Variants in MBD5 observed in about 807,000 individuals in gnomAD.
The protein encoded by MBD5 is methyl-CpG binding domain protein 5, also known as methyl-CpG-binding domain protein 5.
Under a neutral mutation model 117.3 loss-of-function variants are expected in MBD5, and 13 were observed. The observed-to-expected ratio is 0.11, with a 90% confidence interval of 0.07 to 0.18. MBD5 has a LOEUF of 0.18. MBD5 is among the 10% of genes least tolerant of loss of function. The probability of loss-of-function intolerance (pLI) is 1.00; values close to 1 mark genes in which losing one functional copy is unlikely to be tolerated. For missense variants in MBD5, 1,879 were observed against 2,093.8 expected (o/e 0.90, Z 2.00); for synonymous variants, 727 against 766.4 (o/e 0.95, Z 0.85).
At chr2:148,441,520 G>C (rs1264288337) in intron 4 of MBD5, among the ~76,000 whole-genome samples, 1 of 152,150 alleles carries the variant, frequency 6.6e-6, no homozygotes, top group Non-Finnish European at 1.5e-5. Context: ...GGACATTTGG[G>C]TTTGTTCCAA....
chr2:148,267,348 A>G (rs559065161), intron 3 of MBD5, among the ~76,000 whole-genome samples: 1 of 152,322 alleles, frequency 6.6e-6, no homozygotes, highest in East Asian at 1.9e-4. Context: ...TGAGTACACT[A>G]ATCTCACAAT....
At chr2:148,341,060 A>G (rs1409923709) in intron 3 of MBD5, among the ~76,000 whole-genome samples, 1 of 152,046 alleles carries the variant, frequency 6.6e-6, no homozygotes, top group Non-Finnish European at 1.5e-5. Flanking sequence ...TTTTTCTGTG[A>G]GACCCCACTT....
chr2:148,463,953 C>A, intron 7 of MBD5, 34 bp downstream of exon 7: 1 of 1,606,370 alleles, frequency 6.2e-7, no homozygotes, highest in East Asian at 2.2e-5. Flanking sequence ...AGGAATTCTC[C>A]TCTCCCTAGA....
rs777439830 is a variant in MBD5, at chr2:148,463,783, A to G, written c.261A>G (p.Ala87=). ...DPGAAVKQRT[A]EDVKADEDVT... Reference sequence around the variant, plus strand: ...GAGCTGCTGTGAAACAGAGAACCGCAGAAGATGTTAAGGCAGATGAAGATG... The same window carrying G: ...GAGCTGCTGTGAAACAGAGAACCGCGGAAGATGTTAAGGCAGATGAAGATG... Residue 87 remains alanine (A), a synonymous_variant, in exon 7 of 14, where the codon GCA becomes GCG. Coordinates refer to ENST00000642680, the MANE Select transcript of MBD5 (RefSeq NM_001378120.1). 3 of 1,613,854 alleles carry G rather than the reference A, an allele frequency of 1.9e-6. No individual in the cohort carries two copies. The highest frequency in any genetic ancestry group is 2.5e-6 in the Non-Finnish European group (3 of 1,179,776).
At chr2:148,040,522 A>G (rs999933916) in intron 1 of MBD5, among the ~76,000 whole-genome samples, 5 of 152,172 alleles carry the variant, frequency 3.3e-5, no homozygotes, top group South Asian at 4.1e-4. Flanking sequence ...TGATGTATAT[A>G]TGGGTATTTA....
At chr2:148,494,524 G>A (rs577953632) in intron 11 of MBD5, among the ~76,000 whole-genome samples, 1 of 152,238 alleles carries the variant, frequency 6.6e-6, no homozygotes, top group Admixed American at 6.5e-5. Flanking sequence ...TGAAAAGTTG[G>A]GATGAATTGC....
At chr2:148,399,063 A>G (rs1176058008) in intron 4 of MBD5, among the ~76,000 whole-genome samples, 49 of 151,846 alleles carry the variant, frequency 3.2e-4, no homozygotes, top group African/African-American at 7.0e-4. Flanking sequence ...TAGCCTTGTA[A>G]TATAGTTTGA....
intron 11 of MBD5, 178 bp downstream of exon 11, chr2:148,490,772 G>A (rs1396892460): frequency 2.7e-6 from 2 of 742,966 alleles, no homozygotes; most frequent in Non-Finnish European, 2.2e-6. Context: ...TCAACAAAAT[G>A]TCGTATCAAC....
intron 1 of MBD5, among the ~76,000 whole-genome samples, chr2:148,134,391 T>A (rs1697125226): frequency 6.6e-6 from 1 of 152,222 alleles, no homozygotes; most frequent in South Asian, 2.1e-4. Context: ...TGGGCTTTGC[T>A]TTTTAACCCA....
rs923440581 is a variant in MBD5, at chr2:148,516,547, A to T, written c.*3606A>T. 6.6e-6 allele frequency: 1 copy of T among 152,206 alleles called. No individual in the cohort carries two copies. Among genetic ancestry groups the T allele is most frequent in the African/African-American group, 2.4e-5 (1 of 41,448 alleles). The allele number at this position is 152,206 out of a possible 1,614,324, so 9.4% of individuals were successfully genotyped here. ...TTCATCTTTTTCTTTCATTCACTCTATCACATTTGCATTAGCCAAAGAGAT... is the reference window on the plus strand; with the variant it reads ...TTCATCTTTTTCTTTCATTCACTCTTTCACATTTGCATTAGCCAAAGAGAT... On this transcript the variant is annotated 3_prime_UTR_variant, in exon 14 of 14. Coordinates refer to ENST00000642680, the MANE Select transcript of MBD5 (RefSeq NM_001378120.1).
intron 5 of MBD5, 93 bp from the exon 6 acceptor site, chr2:148,462,489 A>G (rs1707119817): frequency 1.2e-6 from 1 of 830,178 alleles, no homozygotes; most frequent in Non-Finnish European, 2.0e-6. Context: ...AAAATATCCC[A>G]TAAAGGACAG....
At chr2:148,053,110 T>C (rs1369550489) in intron 1 of MBD5, among the ~76,000 whole-genome samples, 1 of 152,162 alleles carries the variant, frequency 6.6e-6, no homozygotes, top group African/African-American at 2.4e-5. Flanking sequence ...TTATCAAAAG[T>C]GTAGTGTTGA....
At chr2:148,498,184 A>G (rs1207100859) in intron 11 of MBD5, among the ~76,000 whole-genome samples, 3 of 152,258 alleles carry the variant, frequency 2.0e-5, no homozygotes, top group Non-Finnish European at 4.4e-5. Flanking sequence ...TGATGTGGCT[A>G]GTGCTCCATT....
chr2:148,370,620 C>T (rs1261164488), intron 4 of MBD5, among the ~76,000 whole-genome samples: 1 of 152,104 alleles, frequency 6.6e-6, no homozygotes, highest in Non-Finnish European at 1.5e-5. Flanking sequence ...TCCCAAGTAG[C>T]TGGGACCATG....
intron 4 of MBD5, among the ~76,000 whole-genome samples, chr2:148,404,372 C>G (rs924983782): frequency 6.6e-6 from 1 of 152,118 alleles, no homozygotes; most frequent in African/African-American, 2.4e-5. Flanking sequence ...TAGTTCTGAG[C>G]TCTGTGTGAC....
At chr2:148,362,399 G>C (rs1307873683) in intron 4 of MBD5, among the ~76,000 whole-genome samples, 1 of 152,180 alleles carries the variant, frequency 6.6e-6, no homozygotes, top group Non-Finnish European at 1.5e-5. Context: ...GATCACTGCA[G>C]CTCAGCAAAG....
intron 3 of MBD5, among the ~76,000 whole-genome samples, chr2:148,331,227 G>T (rs764041974): frequency 1.7e-4 from 26 of 152,260 alleles, no homozygotes; most frequent in Admixed American, 7.2e-4. Context: ...GATTATTAAA[G>T]TTAATTTTAT....
intron 4 of MBD5, among the ~76,000 whole-genome samples, chr2:148,396,190 T>A (rs78781696): frequency 0.12 from 18,903 of 152,208 alleles, 1,559 homozygotes; most frequent in Non-Finnish European, 0.19. Context: ...ATCTTCCAGT[T>A]GTCATATCCA....
chr2:148,365,211 A>C (rs1276117798), intron 4 of MBD5, among the ~76,000 whole-genome samples: 1 of 152,226 alleles, frequency 6.6e-6, no homozygotes, highest in Admixed American at 6.5e-5. Flanking sequence ...AAATACATGG[A>C]AACTAAACAA....
Sources: allele counts gnomAD v4.1 joint callset (sites outside exome capture counted in the v4.1 genomes callset), GRCh38; gene constraint gnomAD v4.1.1; transcripts MANE v1.5; gene names NCBI Gene and HGNC (gene_info 2026-07-23, HGNC 2026-07-21).